Variants in KSR2 observed in about 807,000 individuals in gnomAD.
KSR2 encodes the protein kinase suppressor of ras 2.
KSR2 carries 25 observed loss-of-function variants against 107.8 expected under a neutral mutation model. The observed-to-expected ratio is 0.23, with a 90% CI of 0.17 to 0.32. The LOEUF is 0.32. Among genes scored for constraint, KSR2 ranks in the 10% least tolerant of loss-of-function variants. The probability of loss-of-function intolerance (pLI) is 1.00; values close to 1 mark genes in which losing one functional copy is unlikely to be tolerated. For missense variants in KSR2, 887 were observed against 1,268.9 expected (o/e 0.70, Z 4.57); for synonymous variants, 480 against 507.0 (o/e 0.95, Z 0.71).
intron 4 of KSR2, among the ~76,000 whole-genome samples, chr12:117,676,042 A>G (rs1384377781): frequency 1.3e-5 from 2 of 152,210 alleles, no homozygotes; most frequent in African/African-American, 4.8e-5. Context: ...GGCCTTCAGG[A>G]AAGACTTTTC....
rs1386163933 is a variant in KSR2 at position 117,734,981 on chromosome 12, G to A, written c.986+26030C>T. Among the ~76,000 whole-genome samples the A allele has an allele frequency of 4.6e-5, 7 of 152,062 alleles. No homozygotes were observed. In the East Asian group the frequency reaches 1.4e-3, roughly 29 times the overall value. ...CACACACTTGGTGTTGAGCAGCTTT[G>A]CCCTCACGGCCTCCACTTTCTGGGT... On this transcript the variant is annotated intron_variant, in intron 4 of 19. Coordinates refer to ENST00000339824, the MANE Select transcript of KSR2 (RefSeq NM_173598.6).
At position 117,539,763 on chromosome 12, in the gene KSR2, G is replaced by C; in HGVS notation, c.1643C>G (p.Pro548Arg). 1 of 1,607,836 alleles carries C rather than the reference G, an allele frequency of 6.2e-7. No individual in the cohort carries two copies. Among genetic ancestry groups the C allele is most frequent in the Non-Finnish European group, 8.5e-7 (1 of 1,177,968 alleles). The change falls in exon 10 of 20, where the codon CCT becomes CGT. Residue 548 changes from proline to arginine, a missense_variant. Pro to Arg is a moderately radical substitution (Grantham distance 103). Around this residue, in one of 8 missense-constraint regions of KSR2, gnomAD observed 50 missense variants for 43.4 expected, o/e 1.15. Coordinates refer to ENST00000339824, the MANE Select transcript of KSR2 (RefSeq NM_173598.6). ...PSATPPSPLH[P>R]SPQCTRQQKN... ...CTGCTGCCGTGTGCACTGTGGGGAAGGGTGTAGGGGAGAAGGCGGCGTGGC... is the reference window on the plus strand; with the variant it reads ...CTGCTGCCGTGTGCACTGTGGGGAACGGTGTAGGGGAGAAGGCGGCGTGGC...
At chr12:117,840,286 T>C (rs910322846) in intron 3 of KSR2, among the ~76,000 whole-genome samples, 1 of 152,060 alleles carries the variant, frequency 6.6e-6, no homozygotes, top group Non-Finnish European at 1.5e-5. Context: ...TTAGTAGAGA[T>C]GGGGTTTCAC....
chr12:117,639,784 G>A (rs751229610), intron 5 of KSR2, among the ~76,000 whole-genome samples: 20 of 151,912 alleles, frequency 1.3e-4, no homozygotes, highest in Admixed American at 7.2e-4. Context: ...AGATGTATCC[G>A]TCAATACCAG....
At position 117,458,762 on chromosome 12, in the gene KSR2, G is replaced by T. The variant is rs1347032118; in HGVS notation, c.*8437C>A. Reference sequence around the variant, plus strand: ...ATTTCAAGAGCTCAGGAGTAGAGCTGGTGGTCCACTAGGACCTCAAGATCT... The same window carrying T: ...ATTTCAAGAGCTCAGGAGTAGAGCTTGTGGTCCACTAGGACCTCAAGATCT... On this transcript the variant is annotated 3_prime_UTR_variant, in exon 20 of 20. Transcript: ENST00000339824. 1 of 151,888 alleles carries T rather than the reference G, an allele frequency of 6.6e-6. No homozygotes were observed. The highest frequency in any genetic ancestry group is 1.5e-5 in the Non-Finnish European group (1 of 67,988). 9.4% of individuals were successfully genotyped at this position (151,888 alleles called of 1,614,324 possible). A position where few individuals can be genotyped will look rare whatever the true frequency, so the allele number is the denominator to read the frequency against.
chr12:117,526,929 C>A, intron 13 of KSR2, 142 bp downstream of exon 13: 1 of 698,420 alleles, frequency 1.4e-6, no homozygotes, highest in South Asian at 1.7e-5. Context: ...CTAATTGTCC[C>A]AGAGTTAGAA....
chr12:117,579,525 G>A (rs1222551100), intron 6 of KSR2, among the ~76,000 whole-genome samples: 1 of 152,174 alleles, frequency 6.6e-6, no homozygotes, highest in Non-Finnish European at 1.5e-5. Context: ...TTGAACTTTC[G>A]TAAGGGTCAT....
intron 4 of KSR2, among the ~76,000 whole-genome samples, chr12:117,694,453 G>A (rs1885965517): frequency 1.3e-5 from 2 of 152,134 alleles, no homozygotes; most frequent in Non-Finnish European, 1.5e-5. Flanking sequence ...GGAACTGTGA[G>A]TCCATTAAAC....
At position 117,954,605 on chromosome 12, in the gene KSR2, C is replaced by T. The variant is rs551879403; in HGVS notation, c.180+13471G>A. On this transcript the variant is annotated intron_variant, in intron 1 of 19. Coordinates refer to ENST00000339824, the MANE Select transcript of KSR2 (RefSeq NM_173598.6). Reference sequence around the variant, plus strand: ...AATAAATGAATGATACATGCAAGGACGGTATCTCCCCAGATGGCAGTGCAG... The same window carrying T: ...AATAAATGAATGATACATGCAAGGATGGTATCTCCCCAGATGGCAGTGCAG... Among the ~76,000 whole-genome samples, 20 of 152,332 alleles carry T rather than the reference C, an allele frequency of 1.3e-4. No homozygotes were observed. In the South Asian group the frequency reaches 1.9e-3, roughly 14 times the overall value.
At chr12:117,542,419 C>T (rs1243596120) in intron 9 of KSR2, among the ~76,000 whole-genome samples, 1 of 105,532 alleles carries the variant, frequency 9.5e-6, no homozygotes, top group Non-Finnish European at 2.1e-5. Context: ...CTTATGTTTC[C>T]CTTACTCAGT....
At chr12:117,791,436 A>G (rs181706576) in intron 3 of KSR2, among the ~76,000 whole-genome samples, 3 of 152,372 alleles carry the variant, frequency 2.0e-5, no homozygotes, top group Non-Finnish European at 4.4e-5. Context: ...GCTTCTTAAA[A>G]GCAGAAACTT....
intron 5 of KSR2, among the ~76,000 whole-genome samples, chr12:117,616,708 T>C (rs1194165394): frequency 6.6e-6 from 1 of 152,220 alleles, no homozygotes; most frequent in Admixed American, 6.5e-5. Flanking sequence ...CAACTTCTCC[T>C]TCTGCCCAAC....
intron 5 of KSR2, among the ~76,000 whole-genome samples, chr12:117,625,936 TATATGTGTCCAGGA>T (rs1346421567): frequency 6.6e-6 from 1 of 152,308 alleles, no homozygotes; most frequent in East Asian, 1.9e-4. Flanking sequence ...CTTGGGAGGG[TATATGTGTCCAGGA>T]ATTTATCCAT....
chr12:117,717,456 C>T (rs1460058723), intron 4 of KSR2, among the ~76,000 whole-genome samples: 6 of 152,078 alleles, frequency 3.9e-5, no homozygotes, highest in Non-Finnish European at 8.8e-5. Flanking sequence ...GAGGTCAAGG[C>T]TGCAGTGAGC....
At chr12:117,648,656 G>A (rs1179408073) in intron 5 of KSR2, among the ~76,000 whole-genome samples, 1 of 152,150 alleles carries the variant, frequency 6.6e-6, no homozygotes, top group Non-Finnish European at 1.5e-5. Flanking sequence ...TGCTATCACT[G>A]TATACATCAG....
chr12:117,473,089 G>A (rs934292703), intron 17 of KSR2, among the ~76,000 whole-genome samples: 8 of 152,080 alleles, frequency 5.3e-5, no homozygotes, highest in Non-Finnish European at 1.0e-4. Context: ...ATTCAAACAA[G>A]CCAATCCTAA....
chr12:117,694,704 T>G (rs545690944), intron 4 of KSR2, among the ~76,000 whole-genome samples: 67 of 152,166 alleles, frequency 4.4e-4, no homozygotes, highest in Non-Finnish European at 7.3e-4. Flanking sequence ...ATGAACAAAA[T>G]GTGGTCTATC....
intron 6 of KSR2, 117 bp downstream of exon 6, chr12:117,582,173 G>A: frequency 3.9e-6 from 3 of 778,850 alleles, no homozygotes; most frequent in East Asian, 2.5e-5. Context: ...GGGACATGGT[G>A]ATGTAGGTGC....
At chr12:117,933,453 G>C (rs1056061360) in intron 1 of KSR2, among the ~76,000 whole-genome samples, 1 of 152,024 alleles carries the variant, frequency 6.6e-6, no homozygotes, top group African/African-American at 2.4e-5. Flanking sequence ...AGCCGGGTGT[G>C]GTGGCGGGCG....
Sources: allele counts gnomAD v4.1 joint callset (sites outside exome capture counted in the v4.1 genomes callset), GRCh38; gene constraint gnomAD v4.1.1; regional missense constraint gnomAD v4.1.1; transcripts MANE v1.5; gene names NCBI Gene and HGNC (gene_info 2026-07-23, HGNC 2026-07-21).